TNR: variants seen among roughly 807,000 people sequenced by gnomAD.
TNR encodes the protein tenascin R.
In TNR, 45 loss-of-function variants were observed where a neutral mutation model predicts 150.4. The ratio of observed to expected loss-of-function variants is 0.30; its 90% CI spans 0.24 to 0.38. The LOEUF (loss-of-function observed/expected upper bound fraction) is 0.38. Among genes scored for constraint, TNR ranks in the 10% least tolerant of loss-of-function variants. TNR has a pLI of 1.00. For synonymous variants in TNR, 687 were observed against 678.4 expected, an observed-to-expected ratio of 1.01 and a Z score of -0.20; for missense variants, 1,544 against 1,759.1, an observed-to-expected ratio of 0.88 and a Z score of 2.19.
chr1:175,394,077 T>C (rs570809463), intron 5 of TNR, among the ~76,000 whole-genome samples, 182 bp from the exon 6 acceptor site: 37 of 152,360 alleles, frequency 2.4e-4, no homozygotes, highest in South Asian at 4.1e-4. Flanking sequence ...CCCATGTGGC[T>C]CTAGTGCTCG....
chr1:175,732,227 T>C (rs1265311426), intron 1 of TNR, among the ~76,000 whole-genome samples: 9 of 152,202 alleles, frequency 5.9e-5, no homozygotes, highest in Non-Finnish European at 1.3e-4. Context: ...CATTTCAGAA[T>C]CCATTTTAGA....
chr1:175,689,458 T>G (rs909574738), intron 1 of TNR, among the ~76,000 whole-genome samples: 1 of 152,014 alleles, frequency 6.6e-6, no homozygotes, highest in East Asian at 1.9e-4. Context: ...GGGAGGGAAA[T>G]GATGCTGGGA....
intron 1 of TNR, among the ~76,000 whole-genome samples, chr1:175,668,421 C>G (rs566696727): frequency 2.2e-4 from 33 of 152,102 alleles, no homozygotes; most frequent in Non-Finnish European, 4.4e-4. Context: ...GCACCGCAAC[C>G]CATGCCTGCA....
At chr1:175,537,284 A>C (rs112184228) in intron 1 of TNR, among the ~76,000 whole-genome samples, 1 of 152,372 alleles carries the variant, frequency 6.6e-6, no homozygotes, top group Non-Finnish European at 1.5e-5. Context: ...AGAAAGCTTC[A>C]GAATGAAGGA....
At chr1:175,634,057 G>A (rs1664419001) in intron 1 of TNR, among the ~76,000 whole-genome samples, 1 of 152,100 alleles carries the variant, frequency 6.6e-6, no homozygotes. Flanking sequence ...GTCACTGTCA[G>A]ATGAAATAAG....
chr1:175,327,121 C>T (rs886699056), intron 21 of TNR, among the ~76,000 whole-genome samples: 1 of 152,152 alleles, frequency 6.6e-6, no homozygotes, highest in Non-Finnish European at 1.5e-5. Context: ...CCTATCTTCT[C>T]ACTCCCTGCG....
chr1:175,437,562 C>A (rs1172495205), intron 2 of TNR, among the ~76,000 whole-genome samples: 2 of 152,246 alleles, frequency 1.3e-5, no homozygotes, highest in East Asian at 3.9e-4. Flanking sequence ...ACACAAAAAA[C>A]CCTTCAAAAA....
intron 1 of TNR, among the ~76,000 whole-genome samples, chr1:175,582,656 C>G (rs772472105): frequency 6.6e-6 from 1 of 152,160 alleles, no homozygotes; most frequent in Non-Finnish European, 1.5e-5. Context: ...CTAGTAGTAT[C>G]AGTGTTCTTG....
At chr1:175,525,980 T>C (rs372127418) in intron 2 of TNR, among the ~76,000 whole-genome samples, 1 of 152,038 alleles carries the variant, frequency 6.6e-6, no homozygotes, top group East Asian at 1.9e-4. Flanking sequence ...TACCTAAACA[T>C]TGAACCATTT....
chr1:175,480,755 G>A lies in TNR; in HGVS notation c.-64+47514C>T, dbSNP rs56405804. On this transcript the variant is annotated intron_variant, in intron 2 of 22. Coordinates refer to ENST00000367674, the MANE Select transcript of TNR (RefSeq NM_003285.3). ...TTGAATTCAGAACATATCCTCCAAAGCCACTATTCATACTGCCTTTTTTTC... is the reference window on the plus strand; with the variant it reads ...TTGAATTCAGAACATATCCTCCAAAACCACTATTCATACTGCCTTTTTTTC... 3.2e-3 allele frequency among the ~76,000 whole-genome samples: 481 copies of A among 152,216 alleles called. 1 individual carries two copies. The highest frequency in any genetic ancestry group is 0.011 in the African/African-American group (459 of 41,516).
intron 7 of TNR, 38 bp downstream of exon 7, chr1:175,391,250 A>G (rs1237365855): frequency 1.9e-6 from 3 of 1,604,970 alleles, no homozygotes; most frequent in Non-Finnish European, 2.5e-6. Context: ...CAAGTGACCT[A>G]GTAGGCAGCT....
At chr1:175,468,011 G>A (rs773520042) in intron 2 of TNR, among the ~76,000 whole-genome samples, 3 of 152,168 alleles carry the variant, frequency 2.0e-5, no homozygotes, top group Non-Finnish European at 4.4e-5. Flanking sequence ...GATATGATAC[G>A]GCAGCAGAGA....
chr1:175,625,291 C>T (rs1664113339), intron 1 of TNR, among the ~76,000 whole-genome samples: 1 of 152,160 alleles, frequency 6.6e-6, no homozygotes, highest in Admixed American at 6.5e-5. Context: ...TCCTAAGTGC[C>T]AGAGAAACAG....
At chr1:175,576,607 T>C (rs949593049) in intron 1 of TNR, among the ~76,000 whole-genome samples, 1 of 152,144 alleles carries the variant, frequency 6.6e-6, no homozygotes, top group Non-Finnish European at 1.5e-5. Flanking sequence ...AAGCATGATC[T>C]TTCCCCACCT....
intron 1 of TNR, among the ~76,000 whole-genome samples, chr1:175,624,877 C>T (rs1329014901): frequency 6.6e-6 from 1 of 152,126 alleles, no homozygotes; most frequent in Non-Finnish European, 1.5e-5. Context: ...ACCATGGGGT[C>T]ACTAGAGGAT....
intron 2 of TNR, among the ~76,000 whole-genome samples, chr1:175,494,178 C>G (rs1658378864): frequency 6.6e-6 from 1 of 152,140 alleles, no homozygotes; most frequent in South Asian, 2.1e-4. Flanking sequence ...CTGCTCCACA[C>G]AGCTGGGCTC....
At chr1:175,559,565 T>C (rs988998893) in intron 1 of TNR, among the ~76,000 whole-genome samples, 3 of 152,200 alleles carry the variant, frequency 2.0e-5, no homozygotes, top group Admixed American at 2.0e-4. Context: ...CTTTCCTTCG[T>C]ACATATGTAT....
At chr1:175,430,971 T>C (rs578060368) in intron 2 of TNR, among the ~76,000 whole-genome samples, 1 of 152,346 alleles carries the variant, frequency 6.6e-6, no homozygotes, top group African/African-American at 2.4e-5. Flanking sequence ...AGGTCCAATT[T>C]GGGCATCCTT....
chr1:175,640,605 G>T (rs1293545453), intron 1 of TNR, among the ~76,000 whole-genome samples: 1 of 152,046 alleles, frequency 6.6e-6, no homozygotes, highest in Non-Finnish European at 1.5e-5. Context: ...CCAGGGTAAG[G>T]TTTCTGCCAT....
Sources: gnomAD v4.1 joint callset for allele counts (sites outside exome capture counted in the v4.1 genomes callset) on GRCh38, gnomAD v4.1.1 for gene constraint, MANE v1.5 for transcripts, NCBI Gene and HGNC (gene_info 2026-07-23, HGNC 2026-07-21) for gene names.